The following TBC1D14 variants were observed in gnomAD, a reference collection of about 807,000 sequenced individuals.
The protein encoded by TBC1D14 is TBC1 domain family member 14, also known as TBC1 domain family, member 14.
In TBC1D14, 26 loss-of-function variants were observed where a neutral mutation model predicts 79.0. The observed-to-expected ratio is 0.33, with a 90% confidence interval of 0.24 to 0.46. The LOEUF (loss-of-function observed/expected upper bound fraction) is 0.46, where lower values mean the gene tolerates loss of function less well. Among genes scored for constraint, TBC1D14 ranks in the 20% least tolerant of loss-of-function variants. The pLI is 1.00. For synonymous variants in TBC1D14, 394 were observed against 349.9 expected (o/e 1.13, Z -1.40); for missense variants, 769 against 887.6 (o/e 0.87, Z 1.70).
intron 3 of TBC1D14, chr4:6,987,175 C>T (rs1486269044): frequency 6.6e-6 from 8 of 1,214,418 alleles, no homozygotes; most frequent in Non-Finnish European, 8.2e-6. Context: ...CGCGGATCGC[C>T]TCGCTGTGTC....
intron 2 of TBC1D14, among the ~76,000 whole-genome samples, chr4:6,928,511 A>G (rs767579677): frequency 6.6e-6 from 1 of 152,142 alleles, no homozygotes; most frequent in Non-Finnish European, 1.5e-5. Context: ...CTTGAGTGAC[A>G]TGGGGTAATG....
At chr4:7,027,679 A>C (rs1577198045) in intron 13 of TBC1D14, among the ~76,000 whole-genome samples, 3 of 93,908 alleles carry the variant, frequency 3.2e-5, no homozygotes, top group Admixed American at 1.3e-4. Context: ...ACAATCACAC[A>C]CCCACACAAA....
intron 3 of TBC1D14, among the ~76,000 whole-genome samples, chr4:6,978,502 C>T (rs1330596731): frequency 1.0e-4 from 15 of 148,848 alleles, no homozygotes; most frequent in South Asian, 2.1e-4. Flanking sequence ...GGATTAAGGG[C>T]GGTGCAAGAT....
At chr4:6,934,645 G>C (rs1442604804) in intron 2 of TBC1D14, among the ~76,000 whole-genome samples, 1 of 151,024 alleles carries the variant, frequency 6.6e-6, no homozygotes, top group South Asian at 2.1e-4. Flanking sequence ...GCGACAGAGC[G>C]AGACTCTGTC....
intron 3 of TBC1D14, among the ~76,000 whole-genome samples, chr4:6,973,063 A>T (rs1716359372): frequency 6.6e-6 from 1 of 152,216 alleles, no homozygotes; most frequent in Admixed American, 6.5e-5. Flanking sequence ...TGTTGGAAAG[A>T]TAGCCGCAGG....
intron 3 of TBC1D14, among the ~76,000 whole-genome samples, chr4:6,990,862 G>A (rs1577132596): frequency 6.6e-6 from 1 of 152,164 alleles, no homozygotes; most frequent in East Asian, 1.9e-4. Context: ...TTGCTAGCCC[G>A]ACCTTAGCGC....
At chr4:6,964,033 C>T (rs991961736) in intron 2 of TBC1D14, among the ~76,000 whole-genome samples, 4 of 152,146 alleles carry the variant, frequency 2.6e-5, no homozygotes, top group Non-Finnish European at 5.9e-5. Context: ...TGGGCTCAGG[C>T]AATCCACCCA....
At chr4:7,025,408 G>T in intron 13 of TBC1D14, 146 bp downstream of exon 13, 2 of 1,347,084 alleles carry the variant, frequency 1.5e-6, no homozygotes, top group Non-Finnish European at 2.0e-6. Context: ...GGGTGGAGAC[G>T]TGGCTGTGCC....
At chr4:7,011,342 TG>T (rs374665716) in intron 11 of TBC1D14, among the ~76,000 whole-genome samples, 12 of 138,244 alleles carry the variant, frequency 8.7e-5, no homozygotes, top group Admixed American at 2.1e-4. Flanking sequence ...GTGGTGACAG[TG>T]GGGGGTAGGG....
chr4:6,987,233 A>G (rs1420580243), intron 3 of TBC1D14: 2 of 1,255,920 alleles, frequency 1.6e-6, no homozygotes, highest in South Asian at 2.9e-5. Context: ...CGCGAGTCTG[A>G]GGAGCCGCCG....
intron 13 of TBC1D14, among the ~76,000 whole-genome samples, chr4:7,026,511 G>A (rs1308912057): frequency 6.6e-6 from 1 of 152,188 alleles, no homozygotes; most frequent in Non-Finnish European, 1.5e-5. Flanking sequence ...CCTTGTGATT[G>A]GTTGAAAGCT....
chr4:6,954,129 C>G (rs1560277691), intron 2 of TBC1D14: 2 of 602,294 alleles, frequency 3.3e-6, no homozygotes, highest in East Asian at 5.6e-5. Flanking sequence ...CCCCGCCTTT[C>G]CGCCGGCCTG....
chr4:7,022,253 G>A (rs1447742411), intron 12 of TBC1D14, among the ~76,000 whole-genome samples: 1 of 152,216 alleles, frequency 6.6e-6, no homozygotes, highest in Admixed American at 6.5e-5. Context: ...CCAGGGGCTG[G>A]AGAGGCCATG....
intron 2 of TBC1D14, among the ~76,000 whole-genome samples, chr4:6,961,579 G>C (rs1715196145): frequency 1.3e-5 from 2 of 152,198 alleles, no homozygotes; most frequent in African/African-American, 4.8e-5. Flanking sequence ...GGCAGAGGGA[G>C]CAGCCTGTGT....
At chr4:6,990,325 T>C (rs1718361568) in intron 3 of TBC1D14, among the ~76,000 whole-genome samples, 1 of 152,204 alleles carries the variant, frequency 6.6e-6, no homozygotes. Context: ...GGCACGCGCT[T>C]GTAATCCCAG....
At chr4:6,942,838 C>G (rs115444917) in intron 2 of TBC1D14, among the ~76,000 whole-genome samples, 3 of 152,168 alleles carry the variant, frequency 2.0e-5, no homozygotes, top group African/African-American at 7.2e-5. Flanking sequence ...TGTTCATTCA[C>G]TGTAAGTTTT....
At chr4:6,971,241 C>T (rs936509600) in intron 3 of TBC1D14, among the ~76,000 whole-genome samples, 1 of 152,250 alleles carries the variant, frequency 6.6e-6, no homozygotes, top group Non-Finnish European at 1.5e-5. Flanking sequence ...ATTATGACAT[C>T]TACTTGCTTA....
At chr4:7,021,123 A>C (rs2109301883) in intron 12 of TBC1D14, among the ~76,000 whole-genome samples, 1 of 152,282 alleles carries the variant, frequency 6.6e-6, no homozygotes, top group South Asian at 2.1e-4. Context: ...TGCCTCTAGC[A>C]AGCTCAGACA....
chr4:7,004,456 T>G (rs539250666), intron 7 of TBC1D14, among the ~76,000 whole-genome samples: 31 of 152,332 alleles, frequency 2.0e-4, no homozygotes, highest in Non-Finnish European at 4.1e-4. Context: ...ATTCCTTGAT[T>G]GGGTTGCTCT....
Sources: allele counts gnomAD v4.1 joint callset (sites outside exome capture counted in the v4.1 genomes callset), GRCh38; gene constraint gnomAD v4.1.1; transcripts MANE v1.5; gene names NCBI Gene and HGNC (gene_info 2026-07-23, HGNC 2026-07-21).